CSMD1: variants seen among roughly 807,000 people sequenced by gnomAD.
CSMD1 encodes the protein CUB and sushi domain-containing protein 1.
Under a neutral mutation model 417.5 loss-of-function variants are expected in CSMD1, and 213 were observed. The observed-to-expected ratio is 0.51, with a 90% CI of 0.46 to 0.57. The LOEUF (loss-of-function observed/expected upper bound fraction) is 0.57. Among genes scored for constraint, CSMD1 ranks in the 20% least tolerant of loss-of-function variants. The probability of loss-of-function intolerance (pLI) is 0.00; values close to 1 mark genes in which losing one functional copy is unlikely to be tolerated. For synonymous variants in CSMD1, 2,862 were observed against 1,736.8 expected, an observed-to-expected ratio of 1.65 and a Z score of -16.11; for missense variants, 6,923 against 4,529.7, an observed-to-expected ratio of 1.53 and a Z score of -15.17.
At chr8:4,879,052 G>T (rs1004290036) in intron 1 of CSMD1, among the ~76,000 whole-genome samples, 2 of 151,940 alleles carry the variant, frequency 1.3e-5, no homozygotes, top group African/African-American at 4.8e-5. Flanking sequence ...CAAGGGTTAA[G>T]GTAGTAAGAC....
intron 18 of CSMD1, among the ~76,000 whole-genome samples, chr8:3,375,458 G>C (rs1429261098): frequency 6.6e-6 from 1 of 151,926 alleles, no homozygotes; most frequent in East Asian, 1.9e-4. Flanking sequence ...TTTGAAGTCA[G>C]ACTTAATGAG....
chr8:3,666,359 A>C (rs552825562), intron 7 of CSMD1, among the ~76,000 whole-genome samples: 15 of 152,254 alleles, frequency 9.9e-5, no homozygotes, highest in Non-Finnish European at 2.2e-4. Context: ...TCCGTTTAAA[A>C]TGACATATTC....
chr8:2,968,442 T>C (rs1248484703), intron 57 of CSMD1, among the ~76,000 whole-genome samples: 1 of 152,158 alleles, frequency 6.6e-6, no homozygotes, highest in Non-Finnish European at 1.5e-5. Context: ...CGATGAAAAA[T>C]TTCAATTCAG....
chr8:3,601,472 T>C (rs539698908), intron 8 of CSMD1, among the ~76,000 whole-genome samples: 1 of 152,188 alleles, frequency 6.6e-6, no homozygotes, highest in Non-Finnish European at 1.5e-5. Flanking sequence ...TAATCTCATA[T>C]CACGGATGAC....
At chr8:4,898,976 G>T (rs540054167) in intron 1 of CSMD1, among the ~76,000 whole-genome samples, 1 of 151,906 alleles carries the variant, frequency 6.6e-6, no homozygotes, top group African/African-American at 2.4e-5. Flanking sequence ...TAATATTACG[G>T]TAATGATATC....
At chr8:3,887,489 T>C (rs1222913651) in intron 5 of CSMD1, among the ~76,000 whole-genome samples, 2 of 152,240 alleles carry the variant, frequency 1.3e-5, no homozygotes, top group Non-Finnish European at 2.9e-5. Flanking sequence ...TTCTCACCTC[T>C]GGCTGAACAT....
intron 12 of CSMD1, among the ~76,000 whole-genome samples, chr8:3,450,273 C>G (rs574201944): frequency 1.3e-5 from 2 of 151,962 alleles, no homozygotes; most frequent in Admixed American, 6.6e-5. Flanking sequence ...AGTTTCAGAT[C>G]TTCCTACCCA....
At chr8:4,452,982 G>T (rs1032754350) in intron 2 of CSMD1, among the ~76,000 whole-genome samples, 3 of 152,154 alleles carry the variant, frequency 2.0e-5, no homozygotes, top group East Asian at 1.9e-4. Context: ...TTCTGGAGTT[G>T]CAGAGACTGT....
intron 3 of CSMD1, among the ~76,000 whole-genome samples, chr8:4,398,358 T>C (rs79746680): frequency 6.6e-6 from 1 of 150,956 alleles, no homozygotes; most frequent in Admixed American, 6.6e-5. Flanking sequence ...TTTTTAATTA[T>C]CCTCTTTTTA....
At chr8:4,994,062 C>G (rs1563951439) in intron 1 of CSMD1, among the ~76,000 whole-genome samples, 1 of 152,074 alleles carries the variant, frequency 6.6e-6, no homozygotes, top group South Asian at 2.1e-4. Context: ...TTCTCCTTGA[C>G]ACCCTGTACT....
chr8:4,651,929 G>C (rs186976432), intron 1 of CSMD1, among the ~76,000 whole-genome samples: 155 of 152,272 alleles, frequency 1.0e-3, no homozygotes, highest in African/African-American at 3.6e-3. Context: ...ATGATTTAGA[G>C]ACCTGATAGG....
At chr8:3,503,887 T>C (rs371021997) in intron 10 of CSMD1, among the ~76,000 whole-genome samples, 4 of 139,198 alleles carry the variant, frequency 2.9e-5, no homozygotes, top group Admixed American at 1.5e-4. Flanking sequence ...TGTTCAACTC[T>C]CGACTTGGAT....
chr8:4,638,702 A>T (rs1038909221), intron 1 of CSMD1, among the ~76,000 whole-genome samples: 1 of 152,172 alleles, frequency 6.6e-6, no homozygotes, highest in Non-Finnish European at 1.5e-5. Flanking sequence ...CGTTTTACTC[A>T]GCCCTCCCTT....
intron 1 of CSMD1, among the ~76,000 whole-genome samples, chr8:4,780,313 G>C (rs762216930): frequency 7.9e-5 from 12 of 152,134 alleles, no homozygotes; most frequent in Non-Finnish European, 1.6e-4. Flanking sequence ...TATATAATGG[G>C]GCTTTGGCTC....
intron 49 of CSMD1, among the ~76,000 whole-genome samples, chr8:3,070,774 C>A (rs1813276166): frequency 6.6e-6 from 1 of 152,218 alleles, no homozygotes. Flanking sequence ...CTGCCTGTTA[C>A]CCAGTTCCAA....
chr8:3,262,183 G>GAAAAAAA (rs143292375), intron 26 of CSMD1, among the ~76,000 whole-genome samples: 1 of 54,726 alleles, frequency 1.8e-5, no homozygotes, highest in African/African-American at 7.5e-5. Flanking sequence ...ATGCTCATAT[G>GAAAAAAA]AATATATATA....
chr8:4,703,776 G>A (rs1807736715), intron 1 of CSMD1, among the ~76,000 whole-genome samples: 2 of 152,030 alleles, frequency 1.3e-5, no homozygotes, highest in South Asian at 4.1e-4. Context: ...GAAAAGCATT[G>A]GGATACGAAG....
chr8:4,788,163 A>C, intron 1 of CSMD1: 4 of 1,597,896 alleles, frequency 2.5e-6, no homozygotes, highest in Non-Finnish European at 3.4e-6. Context: ...TGAAAAAATC[A>C]AGAAGGCCTG....
chr8:3,795,889 G>GTA (rs1401934601), intron 5 of CSMD1, among the ~76,000 whole-genome samples: 15 of 55,766 alleles, frequency 2.7e-4, no homozygotes, highest in Non-Finnish European at 4.2e-4. Context: ...TATCTATCAT[G>GTA]TACAGATATA....
Sources: allele counts gnomAD v4.1 joint callset (sites outside exome capture counted in the v4.1 genomes callset), GRCh38; gene constraint gnomAD v4.1.1; transcripts MANE v1.5; gene names NCBI Gene and HGNC (gene_info 2026-07-23, HGNC 2026-07-21).